The following DKK1 variants were observed in gnomAD, a reference collection of about 807,000 sequenced individuals.
The protein encoded by DKK1 is dickkopf Wnt signaling pathway inhibitor 1.
A neutral mutation model predicts 26.0 loss-of-function variants in DKK1; 18 were observed. The observed-to-expected ratio is 0.69, with a 90% CI of 0.48 to 1.03. DKK1 has a LOEUF of 1.03. Ranked by LOEUF, DKK1 falls within the 50% of genes least tolerant of loss-of-function variation. DKK1 has a pLI of 0.00. For synonymous variants in DKK1, 130 were observed against 132.6 expected (o/e 0.98, Z 0.13); for missense variants, 335 against 348.5 (o/e 0.96, Z 0.31).
chr10:52,315,006 A>C lies in DKK1; in HGVS notation c.327A>C (p.Gln109His). Residue 109 changes from glutamine to histidine, a missense_variant, in exon 2 of 4, where the codon CAA becomes CAC. Physicochemically the swap from Gln to His is conservative, Grantham distance 24 (BLOSUM62 0). Transcript: ENST00000373970. ...SPTRGGDAGV[Q>H]ICLACRKRRK... is the part of the protein sequence containing the mutation. The stretch of plus-strand genomic sequence containing the variant: ...CCCGCGGAGGGGACGCAGGCGTGCA[A>C]ATCTGTCTCGCCTGCAGGAAGCGCC... The C allele has an allele frequency of 6.2e-7, 1 of 1,605,502 alleles. No homozygotes were observed. Among genetic ancestry groups the C allele is most frequent in the Non-Finnish European group, 8.5e-7 (1 of 1,174,038 alleles).
At position 52,316,953 on chromosome 10, in the gene DKK1, G is replaced by A; in HGVS notation, c.*146G>A. ...ATAACACCTTCCAAAAACCTGGAGTGTAAGAGCTTTGTTTCTTTATGGAAC... is the reference window on the plus strand; with the variant it reads ...ATAACACCTTCCAAAAACCTGGAGTATAAGAGCTTTGTTTCTTTATGGAAC... On this transcript the variant is annotated 3_prime_UTR_variant, in exon 4 of 4. Transcript: ENST00000373970. 2 of 876,632 alleles carry A rather than the reference G, an allele frequency of 2.3e-6. No homozygotes were observed. The highest frequency in any genetic ancestry group is 3.4e-6 in the Non-Finnish European group (2 of 584,764). The allele number at this position is 876,632 out of a possible 1,614,324, so 54.3% of individuals were successfully genotyped here. A position where few individuals can be genotyped will look rare whatever the true frequency, so the allele number is the denominator to read the frequency against.
Position 52,316,919 on chromosome 10 carries a change from A to G in DKK1, c.*112A>G. 7.7e-7 allele frequency: 1 copy of G among 1,301,870 alleles called. No homozygotes were observed. The highest frequency in any genetic ancestry group is 1.5e-5 in the South Asian group (1 of 67,196). 80.6% of individuals were successfully genotyped at this position (1,301,870 alleles called of 1,614,324 possible). On this transcript the variant is annotated 3_prime_UTR_variant, in exon 4 of 4. Transcript: ENST00000373970. ...TATACAAGTTCTGTGGTTTCAGTTA[A>G]GCATTCCAATAACACCTTCCAAAAA...
rs1190261302 is a variant in DKK1, at chr10:52,315,014, T to G, written c.335T>G (p.Leu112Arg). 1.2e-6 allele frequency: 2 copies of G among 1,605,608 alleles called. No homozygotes were observed. The highest frequency in any genetic ancestry group is 1.3e-5 in the African/African-American group (1 of 74,832). The change falls in exon 2 of 4, where the codon CTC (leucine) becomes CGC (arginine). Residue 112 changes from leucine to arginine, a missense_variant. By Grantham distance (102) the Leu-to-Arg change is moderately radical (BLOSUM62 -2). Coordinates refer to ENST00000373970, the MANE Select transcript of DKK1 (RefSeq NM_012242.4). ...RGGDAGVQIC[L>R]ACRKRRKRCM... ...GGGGACGCAGGCGTGCAAATCTGTC[T>G]CGCCTGCAGGAAGCGCCGAAAACGC...
At position 52,314,596 on chromosome 10, in the gene DKK1, G is replaced by T; in HGVS notation, c.162G>T (p.Gly54=). The T allele has an allele frequency of 6.2e-7, 1 of 1,613,490 alleles. No individual in the cohort carries two copies. Among genetic ancestry groups the T allele is most frequent in the East Asian group, 2.2e-5 (1 of 44,818 alleles). Residue 54 remains glycine, a synonymous_variant, in exon 1 of 4, where the codon GGG becomes GGT. Transcript: ENST00000373970. This position sits in a 1 kb window ranked among gnomAD's most constrained non-coding sequence, Gnocchi z 5.7. ...NLPPPLGGAA[G]HPGSAVSAAP... ...CCCCACCGCTGGGCGGCGCTGCGGG[G>T]CACCCAGGCTCTGCAGTCAGCGCCG...
rs1452480759 is a variant in DKK1 at position 52,316,633 on chromosome 10, C to T, written c.627C>T (p.Ile209=). The change falls in exon 4 of 4, where the codon ATC becomes ATT. Residue 209 remains isoleucine, a synonymous_variant. Coordinates refer to ENST00000373970, the MANE Select transcript of DKK1 (RefSeq NM_012242.4). ...GTGCTAGACACTTCTGGTCCAAGAT[C>T]TGTAAACCTGTCCTGAAAGAAGGTC... ...LCCARHFWSK[I]CKPVLKEGQV... is the part of the protein sequence containing the mutation. 9 of 1,614,020 alleles carry T rather than the reference C, an allele frequency of 5.6e-6. No homozygotes were observed. Among genetic ancestry groups the T allele is most frequent in the Non-Finnish European group, 7.6e-6 (9 of 1,180,032 alleles).
chr10:52,315,290 G>T (rs1480604249), intron 2 of DKK1: 1 of 462,716 alleles, frequency 2.2e-6, no homozygotes. Flanking sequence ...GAAGAGAGAA[G>T]TTGGGAGGTC....
In DKK1 at chr10:52,314,535, A is replaced by G; in HGVS notation, c.101A>G (p.Asn34Ser). The G allele has an allele frequency of 2.5e-6, 4 of 1,612,934 alleles. No homozygotes were observed. The highest frequency in any genetic ancestry group is 3.4e-6 in the Non-Finnish European group (4 of 1,179,802). The change falls in exon 1 of 4, where the codon AAC becomes AGC. Residue 34 changes from asparagine to serine, a missense_variant. By Grantham distance (46) the Asn-to-Ser change is conservative. Coordinates refer to ENST00000373970, the MANE Select transcript of DKK1 (RefSeq NM_012242.4). This position sits in a 1 kb window ranked among gnomAD's most constrained non-coding sequence, Gnocchi z 5.7. ...HPLLGVSATL[N>S]SVLNSNAIKN... ...CTGCTGGGAGTGAGCGCCACCTTGA[A>G]CTCGGTTCTCAATTCCAACGCTATC...
Position 52,314,855 on chromosome 10 carries a change from C to T in DKK1, c.244-68C>T. On this transcript the variant is annotated intron_variant, in intron 1 of 3. Coordinates refer to ENST00000373970, the MANE Select transcript of DKK1 (RefSeq NM_012242.4). This position sits in a 1 kb window ranked among gnomAD's most constrained non-coding sequence, Gnocchi z 5.7. ...GGACAGATAAGGACTGTGATCAGCGCCCGGGTCCAAGAGGGCGGGTACCTG... is the reference window on the plus strand; with the variant it reads ...GGACAGATAAGGACTGTGATCAGCGTCCGGGTCCAAGAGGGCGGGTACCTG... 1 of 1,459,772 alleles carries T rather than the reference C, an allele frequency of 6.9e-7. No individual in the cohort carries two copies. The highest frequency in any genetic ancestry group is 9.1e-7 in the Non-Finnish European group (1 of 1,101,428). The allele number at this position is 1,459,772 out of a possible 1,614,324, so 90.4% of individuals were successfully genotyped here.
rs1292405416 is a variant in DKK1 at position 52,314,851 on chromosome 10, A to C, written c.244-72A>C. On this transcript the variant is annotated intron_variant, in intron 1 of 3. Transcript: ENST00000373970. This position sits in a 1 kb window ranked among gnomAD's most constrained non-coding sequence, Gnocchi z 5.7. The stretch of plus-strand genomic sequence containing the variant: ...AGGTGGACAGATAAGGACTGTGATC[A>C]GCGCCCGGGTCCAAGAGGGCGGGTA... 15 of 1,459,402 alleles carry C rather than the reference A, an allele frequency of 1.0e-5. No homozygotes were observed. Among genetic ancestry groups the C allele is most frequent in the Non-Finnish European group, 1.4e-5 (15 of 1,101,282 alleles). 90.4% of individuals were successfully genotyped at this position (1,459,402 alleles called of 1,614,324 possible). A position where few individuals can be genotyped will look rare whatever the true frequency, so the allele number is the denominator to read the frequency against.
Position 52,314,898 on chromosome 10 carries a change from C to T in DKK1, c.244-25C>T. 1.4e-6 allele frequency: 2 copies of T among 1,480,234 alleles called. No homozygotes were observed. The highest frequency in any genetic ancestry group is 1.8e-6 in the Non-Finnish European group (2 of 1,111,002). 91.7% of individuals were successfully genotyped at this position (1,480,234 alleles called of 1,614,324 possible). On this transcript the variant is annotated intron_variant, in intron 1 of 3. Transcript: ENST00000373970. This position sits in a 1 kb window ranked among gnomAD's most constrained non-coding sequence, Gnocchi z 5.7. ...GGTACCTGGACGTCTGGGTGCCTCA[C>T]CCTCTCCCCGAACCCTTCCCACAGC...
Position 52,314,663 on chromosome 10 carries a change from A to C in DKK1, c.229A>C (p.Ile77Leu). ...CCCGGGCGGGAATAAGTACCAGACC[A>C]TTGACAACTACCAGGTGAGAGGGGT... ...LYPGGNKYQT[I>L]DNYQPYPCAE... The change falls in exon 1 of 4, where the codon ATT (isoleucine) becomes CTT (leucine). Residue 77 changes from isoleucine (I) to leucine (L), a missense_variant. By Grantham distance (5) the Ile-to-Leu change is conservative. Transcript: ENST00000373970. This position sits in a 1 kb window ranked among gnomAD's most constrained non-coding sequence, Gnocchi z 5.7. The C allele has an allele frequency of 6.2e-7, 1 of 1,612,848 alleles. No homozygotes were observed. The highest frequency in any genetic ancestry group is 1.1e-5 in the South Asian group (1 of 91,024).
rs143388912 is a variant in DKK1 at position 52,316,358 on chromosome 10, G to T, written c.470G>T (p.Ser157Ile). The T allele has an allele frequency of 1.1e-3, 1,782 of 1,614,160 alleles. 1 individual carries two copies. Among genetic ancestry groups the T allele is most frequent in the Middle Eastern group, 4.9e-3 (30 of 6,062 alleles). ...GAAATTGAGGAAACCATCACTGAAA[G>T]CTTTGGTAATGATCATAGCACCTTG... The part of the protein sequence containing the change: ...RGEIEETITE[S>I]FGNDHSTLDG... Residue 157 changes from serine (S) to isoleucine (I), a missense_variant, in exon 3 of 4, where the codon AGC becomes ATC. Transcript: ENST00000373970.
rs749370700 is a variant in DKK1 at position 52,314,948 on chromosome 10, A to G, written c.269A>G (p.Glu90Gly). The change falls in exon 2 of 4, where the codon GAG becomes GGG. Residue 90 changes from glutamate (E) to glycine (G), a missense_variant. Coordinates refer to ENST00000373970, the MANE Select transcript of DKK1 (RefSeq NM_012242.4). This position sits in a 1 kb window ranked among gnomAD's most constrained non-coding sequence, Gnocchi z 5.7. Reference sequence around the variant, plus strand: ...CCGTACCCGTGCGCAGAGGACGAGGAGTGCGGCACTGATGAGTACTGCGCT... The same window carrying G: ...CCGTACCCGTGCGCAGAGGACGAGGGGTGCGGCACTGATGAGTACTGCGCT... ...YQPYPCAEDE[E>G]CGTDEYCASP... is the part of the protein sequence containing the mutation. 3 of 1,564,660 alleles carry G rather than the reference A, an allele frequency of 1.9e-6. No individual in the cohort carries two copies. Among genetic ancestry groups the G allele is most frequent in the Admixed American group, 3.6e-5 (2 of 55,718 alleles).
Position 52,315,016 on chromosome 10 carries a change from G to A in DKK1, c.337G>A (p.Ala113Thr), listed in dbSNP as rs372651276. The A allele has an allele frequency of 2.3e-5, 37 of 1,605,056 alleles. No individual in the cohort carries two copies. In the African/African-American group the frequency reaches 3.7e-4, roughly 16 times the overall value. ...GGACGCAGGCGTGCAAATCTGTCTCGCCTGCAGGAAGCGCCGAAAACGCTG... is the reference window on the plus strand; with the variant it reads ...GGACGCAGGCGTGCAAATCTGTCTCACCTGCAGGAAGCGCCGAAAACGCTG... The part of the protein sequence containing the change: ...GGDAGVQICL[A>T]CRKRRKRCMR... Residue 113 changes from alanine (A) to threonine (T), a missense_variant, in exon 2 of 4, where the codon GCC becomes ACC. Transcript: ENST00000373970.
Position 52,314,294 on chromosome 10 carries a change from C to A in DKK1, c.-141C>A. ...GGCGGTGGCGGCGCAGAGCTCTGTG[C>A]TCCCTGCAGTCAGGACTCTGGGACC... On this transcript the variant is annotated 5_prime_UTR_variant, in exon 1 of 4. Coordinates refer to ENST00000373970, the MANE Select transcript of DKK1 (RefSeq NM_012242.4). The surrounding 1 kb of genome is among the most constrained non-coding windows in gnomAD (Gnocchi z 5.7). The A allele has an allele frequency of 7.8e-7, 1 of 1,287,016 alleles. No individual in the cohort carries two copies. Among genetic ancestry groups the A allele is most frequent in the Non-Finnish European group, 1.1e-6 (1 of 934,888 alleles). 79.7% of individuals were successfully genotyped at this position (1,287,016 alleles called of 1,614,324 possible).
At chr10:52,315,999 T>C (rs1312346473) in intron 2 of DKK1, among the ~76,000 whole-genome samples, 1 of 152,214 alleles carries the variant, frequency 6.6e-6, no homozygotes, top group East Asian at 1.9e-4. Context: ...CCAAAGGTAA[T>C]ATTAAAATGG....
Position 52,314,354 on chromosome 10 carries a change from A to G in DKK1, c.-81A>G. 6.3e-7 allele frequency: 1 copy of G among 1,577,892 alleles called. No homozygotes were observed. The highest frequency in any genetic ancestry group is 2.2e-5 in the East Asian group (1 of 44,550). ...TCCCGGACCCTGACTCTGCAGCCGA[A>G]CCGGCACGGTTTCGTGGGGACCCAG... On this transcript the variant is annotated 5_prime_UTR_variant, in exon 1 of 4. Transcript: ENST00000373970. This position sits in a 1 kb window ranked among gnomAD's most constrained non-coding sequence, Gnocchi z 5.7.
chr10:52,315,961 T>A (rs1589774954), intron 2 of DKK1, among the ~76,000 whole-genome samples: 2 of 152,238 alleles, frequency 1.3e-5, no homozygotes, highest in East Asian at 3.8e-4. Flanking sequence ...AGAACATTTT[T>A]AAAGTGACTG....
Position 52,314,649 on chromosome 10 carries a change from A to AT in DKK1, c.216dup (p.Lys73Ter). 1 of 1,613,142 alleles carries AT rather than the reference A, an allele frequency of 6.2e-7. No homozygotes were observed. The highest frequency in any genetic ancestry group is 8.5e-7 in the Non-Finnish European group (1 of 1,179,930). On this transcript the variant is annotated frameshift_variant, in exon 1 of 4. Transcript: ENST00000373970. LOFTEE classifies it high-confidence loss of function. The surrounding 1 kb of genome is among the most constrained non-coding windows in gnomAD (Gnocchi z 5.7). The stretch of plus-strand genomic sequence containing the variant: ...CCGGGAATCCTGTACCCGGGCGGGA[A>AT]TAAGTACCAGACCATTGACAACTAC...
Sources: gnomAD v4.1 joint callset for allele counts (sites outside exome capture counted in the v4.1 genomes callset) on GRCh38, gnomAD v4.1.1 for gene constraint, Gnocchi (gnomAD v3.1) non-coding constraint, MANE v1.5 for transcripts, NCBI Gene and HGNC (gene_info 2026-07-23, HGNC 2026-07-21) for gene names.